PRKG1: variants seen among roughly 807,000 people sequenced by gnomAD.
PRKG1 encodes the protein protein kinase cGMP-dependent 1.
A neutral mutation model predicts 88.1 loss-of-function variants in PRKG1; 35 were observed. The ratio of observed to expected loss-of-function variants is 0.40; its 90% CI spans 0.30 to 0.53. The LOEUF (loss-of-function observed/expected upper bound fraction) is 0.53, where lower values mean the gene tolerates loss of function less well. Among genes scored for constraint, PRKG1 ranks in the 20% least tolerant of loss-of-function variants. The pLI is 0.59. For synonymous variants in PRKG1, 303 were observed against 292.5 expected (o/e 1.04, Z -0.37); for missense variants, 540 against 839.8 (o/e 0.64, Z 4.41).
At chr10:51,585,885 G>A (rs976146675) in intron 3 of PRKG1, among the ~76,000 whole-genome samples, 10 of 152,062 alleles carry the variant, frequency 6.6e-5, no homozygotes, top group African/African-American at 1.4e-4. Flanking sequence ...ACCAAATACC[G>A]CATGTTTTCA....
intron 1 of PRKG1, among the ~76,000 whole-genome samples, chr10:51,085,076 A>AG (rs1844213486): frequency 6.6e-6 from 1 of 152,226 alleles, no homozygotes; most frequent in Admixed American, 6.5e-5. Context: ...AGGACAAAAA[A>AG]GAAAAATGCA....
intron 3 of PRKG1, among the ~76,000 whole-genome samples, chr10:51,488,055 TAATC>T (rs561356732): frequency 1.6e-3 from 248 of 152,290 alleles, no homozygotes; most frequent in African/African-American, 5.8e-3. Flanking sequence ...GACTACATTT[TAATC>T]AATAGAGTCA....
intron 3 of PRKG1, among the ~76,000 whole-genome samples, chr10:51,487,047 T>A (rs61849787): frequency 0.05 from 7,482 of 150,864 alleles, 302 homozygotes; most frequent in Middle Eastern, 0.12. Context: ...ATGTAAAGAG[T>A]GCATACACCA....
chr10:52,016,749 G>C (rs1476201275), intron 5 of PRKG1, among the ~76,000 whole-genome samples: 1 of 152,156 alleles, frequency 6.6e-6, no homozygotes, highest in Non-Finnish European at 1.5e-5. Context: ...TGATTTTATA[G>C]TATTTACATT....
At chr10:51,942,502 G>A (rs1247659568) in intron 5 of PRKG1, among the ~76,000 whole-genome samples, 8 of 151,114 alleles carry the variant, frequency 5.3e-5, no homozygotes, top group Non-Finnish European at 8.8e-5. Flanking sequence ...ATTGCTTTTG[G>A]TGTTTTAGAC....
At chr10:52,023,533 C>T (rs12218667) in intron 5 of PRKG1, among the ~76,000 whole-genome samples, 52,673 of 152,112 alleles carry the variant, frequency 0.35, 9,748 homozygotes, top group South Asian at 0.44. Context: ...GTCCCACCAA[C>T]AGTGTAAAAG....
At chr10:51,485,780 T>G (rs1406520418) in intron 3 of PRKG1, among the ~76,000 whole-genome samples, 5 of 152,174 alleles carry the variant, frequency 3.3e-5, no homozygotes, top group Admixed American at 1.3e-4. Context: ...TGAGTACTGA[T>G]TTGAGCTATG....
chr10:52,121,592 C>G (rs1195326117), intron 7 of PRKG1, among the ~76,000 whole-genome samples: 4 of 152,228 alleles, frequency 2.6e-5, no homozygotes, highest in Non-Finnish European at 5.9e-5. Context: ...GTTCATCACT[C>G]TTAAATTTCA....
At chr10:51,621,834 T>G (rs1839218955) in intron 3 of PRKG1, among the ~76,000 whole-genome samples, 1 of 152,198 alleles carries the variant, frequency 6.6e-6, no homozygotes, top group Non-Finnish European at 1.5e-5. Flanking sequence ...TTCTTAAAAT[T>G]TAATCGACTT....
intron 2 of PRKG1, among the ~76,000 whole-genome samples, chr10:51,438,747 G>A (rs1221005015): frequency 1.3e-5 from 2 of 151,836 alleles, no homozygotes; most frequent in East Asian, 1.9e-4. Context: ...TCTGATTCAA[G>A]TTCATTTTAC....
At chr10:52,036,913 G>A (rs1412842485) in intron 5 of PRKG1, among the ~76,000 whole-genome samples, 5 of 152,122 alleles carry the variant, frequency 3.3e-5, no homozygotes, top group South Asian at 2.1e-4. Flanking sequence ...ATGTGGAGTG[G>A]GTAGCCTCCG....
At chr10:52,288,889 G>A (rs977838270) in intron 15 of PRKG1, 41 bp downstream of exon 15, 3 of 1,594,466 alleles carry the variant, frequency 1.9e-6, no homozygotes, top group South Asian at 2.3e-5. Context: ...ACATCATAAT[G>A]TGAAAAAATT....
chr10:51,170,642 G>T (rs1353949851), intron 2 of PRKG1, among the ~76,000 whole-genome samples: 1 of 151,668 alleles, frequency 6.6e-6, no homozygotes, highest in Non-Finnish European at 1.5e-5. Flanking sequence ...GATATTTGGG[G>T]AGAAGAGCAT....
At chr10:52,242,814 T>A (rs1304813249) in intron 9 of PRKG1, among the ~76,000 whole-genome samples, 1 of 151,946 alleles carries the variant, frequency 6.6e-6, no homozygotes. Flanking sequence ...GAGACTCACT[T>A]GAACCCAGGA....
chr10:51,273,084 C>G (rs1840022979), intron 2 of PRKG1, among the ~76,000 whole-genome samples: 1 of 152,042 alleles, frequency 6.6e-6, no homozygotes, highest in South Asian at 2.1e-4. Flanking sequence ...AAAAAAGTGC[C>G]CTTGCCTCTG....
chr10:51,578,980 GTTTTTTTTTTTTTTT>G (rs752412264), intron 3 of PRKG1, among the ~76,000 whole-genome samples: 1 of 77,828 alleles, frequency 1.3e-5, no homozygotes, highest in Non-Finnish European at 2.5e-5. Flanking sequence ...AGTTCTGTTG[GTTTTTTTTTTTTTTT>G]TTTTTTTTTT....
At chr10:52,097,081 TCAGA>T (rs1460482457) in intron 7 of PRKG1, among the ~76,000 whole-genome samples, 3 of 152,106 alleles carry the variant, frequency 2.0e-5, no homozygotes, top group Non-Finnish European at 2.9e-5. Context: ...CAGTTAAAAA[TCAGA>T]CAGATTCAAT....
Position 51,698,433 on chromosome 10 carries a change from G to T in PRKG1, c.593-106152G>T. ...CTCATCTCATGTGAGGAAGGGCCAC[G>T]AGTGTCATGACCAGAGGCATGATGC... On this transcript the variant is annotated intron_variant, in intron 3 of 17. Transcript: ENST00000373980. 3.1e-6 allele frequency: 5 copies of T among 1,614,106 alleles called. No homozygotes were observed. The highest frequency in any genetic ancestry group is 4.2e-6 in the Non-Finnish European group (5 of 1,180,022).
chr10:51,555,500 G>A (rs1345421996), intron 3 of PRKG1, among the ~76,000 whole-genome samples: 1 of 151,852 alleles, frequency 6.6e-6, no homozygotes, highest in Non-Finnish European at 1.5e-5. Flanking sequence ...AACACAGAAA[G>A]TCAACTTAGT....
Sources: allele counts gnomAD v4.1 joint callset (sites outside exome capture counted in the v4.1 genomes callset), GRCh38; gene constraint gnomAD v4.1.1; transcripts MANE v1.5; gene names NCBI Gene and HGNC (gene_info 2026-07-23, HGNC 2026-07-21).